PBX3: variants seen among roughly 807,000 people sequenced by gnomAD.
PBX3 encodes pre-B-cell leukemia transcription factor 3.
In PBX3, 14 loss-of-function variants were observed where a neutral mutation model predicts 48.5. The ratio of observed to expected loss-of-function variants is 0.29; its 90% confidence interval spans 0.19 to 0.45. The LOEUF is 0.45. Ranked by LOEUF, PBX3 falls within the 20% of genes least tolerant of loss-of-function variation. PBX3 has a pLI of 1.00. For missense variants in PBX3, 386 were observed against 546.7 expected (o/e 0.71, Z 2.93); for synonymous variants, 210 against 200.3 (o/e 1.05, Z -0.41).
chr9:125,789,583 A>G (rs1837544759), intron 2 of PBX3, among the ~76,000 whole-genome samples: 1 of 152,098 alleles, frequency 6.6e-6, no homozygotes. Context: ...CCAATTTGGA[A>G]GTCACAGTGT....
intron 2 of PBX3, among the ~76,000 whole-genome samples, chr9:125,771,451 T>G (rs940307059): frequency 6.6e-6 from 1 of 152,214 alleles, no homozygotes; most frequent in Admixed American, 6.5e-5. Flanking sequence ...ACAAAGTTGG[T>G]AAATTTCATG....
At chr9:125,781,616 G>GGCAGAA (rs1291412244) in intron 2 of PBX3, among the ~76,000 whole-genome samples, 1 of 151,502 alleles carries the variant, frequency 6.6e-6, no homozygotes, top group African/African-American at 2.4e-5. Context: ...CAGAGGCAGA[G>GGCAGAA]GCAGAACCTG....
At chr9:125,841,409 A>G (rs1483057751) in intron 2 of PBX3, among the ~76,000 whole-genome samples, 5 of 152,190 alleles carry the variant, frequency 3.3e-5, no homozygotes, top group African/African-American at 1.2e-4. Context: ...GTGTTAATCT[A>G]GCACACCCTA....
chr9:125,787,510 A>G (rs1837488935), intron 2 of PBX3, among the ~76,000 whole-genome samples: 1 of 152,152 alleles, frequency 6.6e-6, no homozygotes, highest in African/African-American at 2.4e-5. Context: ...AAATGGCACT[A>G]TCATGACCAC....
chr9:125,780,752 G>C, intron 2 of PBX3, among the ~76,000 whole-genome samples: 1 of 130,116 alleles, frequency 7.7e-6, no homozygotes, highest in East Asian at 2.4e-4. Flanking sequence ...CTCCCGGACA[G>C]GGCGGCTGGC....
intron 5 of PBX3, among the ~76,000 whole-genome samples, chr9:125,960,143 G>A (rs1233202491): frequency 6.6e-6 from 1 of 152,262 alleles, no homozygotes; most frequent in Non-Finnish European, 1.5e-5. Flanking sequence ...AACTGGCAGA[G>A]CTTGAGCAGC....
chr9:125,936,543 A>G (rs1174703832), intron 5 of PBX3, among the ~76,000 whole-genome samples: 1 of 152,210 alleles, frequency 6.6e-6, no homozygotes, highest in Non-Finnish European at 1.5e-5. Flanking sequence ...CTTGTACTGT[A>G]GATAAAGTTC....
At chr9:125,953,697 C>T (rs7868801) in intron 5 of PBX3, among the ~76,000 whole-genome samples, 89,519 of 152,018 alleles carry the variant, frequency 0.59, 29,421 homozygotes, top group East Asian at 0.77. Context: ...GATTTGTTGT[C>T]TGTGTAGCTA....
At chr9:125,930,536 A>G (rs1400036079) in intron 4 of PBX3, among the ~76,000 whole-genome samples, 1 of 152,250 alleles carries the variant, frequency 6.6e-6, no homozygotes, top group African/African-American at 2.4e-5. Flanking sequence ...ATGAATCTGC[A>G]GCTTTGGAAA....
At chr9:125,788,389 C>T (rs73667060) in intron 2 of PBX3, among the ~76,000 whole-genome samples, 8,962 of 152,204 alleles carry the variant, frequency 0.059, 606 homozygotes, top group East Asian at 0.17. Flanking sequence ...GTGGGAAGGA[C>T]ATATCCCAAA....
At chr9:125,944,889 C>T (rs772392704) in intron 5 of PBX3, among the ~76,000 whole-genome samples, 3 of 152,134 alleles carry the variant, frequency 2.0e-5, no homozygotes, top group Non-Finnish European at 2.9e-5. Context: ...CATTTTACCT[C>T]ACTGTGCCTC....
intron 5 of PBX3, among the ~76,000 whole-genome samples, chr9:125,953,206 A>G (rs148820505): frequency 1.4e-4 from 21 of 152,214 alleles, no homozygotes; most frequent in African/African-American, 5.1e-4. Flanking sequence ...GGGGCCAGGC[A>G]TGGTGGGGCA....
At chr9:125,813,736 T>G (rs1481083661) in intron 2 of PBX3, among the ~76,000 whole-genome samples, 1 of 152,104 alleles carries the variant, frequency 6.6e-6, no homozygotes, top group Non-Finnish European at 1.5e-5. Context: ...AACCGTTTCT[T>G]TAAGTATACT....
intron 2 of PBX3, among the ~76,000 whole-genome samples, chr9:125,902,142 T>C (rs1840960870): frequency 6.6e-6 from 1 of 151,588 alleles, no homozygotes; most frequent in South Asian, 2.1e-4. Flanking sequence ...GAGGCAAATA[T>C]TTATGCAAAG....
intron 2 of PBX3, among the ~76,000 whole-genome samples, chr9:125,774,827 T>C (rs1444823874): frequency 6.6e-6 from 1 of 152,122 alleles, no homozygotes; most frequent in Non-Finnish European, 1.5e-5. Flanking sequence ...TTTTCCATAG[T>C]AGGTCTATCA....
chr9:125,753,314 G>A (rs1257738375), intron 2 of PBX3, among the ~76,000 whole-genome samples: 4 of 148,144 alleles, frequency 2.7e-5, no homozygotes, highest in African/African-American at 1.0e-4. Context: ...TATAGATTTG[G>A]TATCTTACTG....
chr9:125,754,412 A>G (rs62567190), intron 2 of PBX3, among the ~76,000 whole-genome samples: 10 of 152,084 alleles, frequency 6.6e-5, no homozygotes, highest in Admixed American at 5.9e-4. Context: ...TTATATCACT[A>G]TGTAGTATAA....
chr9:125,920,039 T>G (rs1408969063), intron 3 of PBX3, among the ~76,000 whole-genome samples: 1 of 152,214 alleles, frequency 6.6e-6, no homozygotes, highest in Non-Finnish European at 1.5e-5. Flanking sequence ...TATAAACACT[T>G]TTGAAATATT....
rs146547571 is a variant in PBX3, at chr9:125,848,819, C to T, written c.275-66867C>T. 6.4e-4 allele frequency among the ~76,000 whole-genome samples: 97 copies of T among 152,070 alleles called. 1 individual carries two copies. Among genetic ancestry groups the T allele is most frequent in the Non-Finnish European group, 1.3e-3 (87 of 67,922 alleles). The stretch of plus-strand genomic sequence containing the variant: ...GGATCTGTTCATACATAACTTGCTA[C>T]CATGTACATTCTGTGATAGTGCATA... On this transcript the variant is annotated intron_variant, in intron 2 of 8. Transcript: ENST00000373489.
Sources: allele counts gnomAD v4.1 joint callset (sites outside exome capture counted in the v4.1 genomes callset), GRCh38; gene constraint gnomAD v4.1.1; transcripts MANE v1.5; gene names NCBI Gene and HGNC (gene_info 2026-07-23, HGNC 2026-07-21).